SPATS2: variants seen among roughly 807,000 people sequenced by gnomAD.
The protein encoded by SPATS2 is spermatogenesis associated serine rich 2, also known as spermatogenesis-associated serine-rich protein 2.
A neutral mutation model predicts 63.7 loss-of-function variants in SPATS2; 38 were observed. That is an observed-to-expected ratio of 0.60 (90% CI 0.46 to 0.78). The LOEUF (loss-of-function observed/expected upper bound fraction) is 0.78, where lower values mean the gene tolerates loss of function less well. Ranked by LOEUF, SPATS2 falls within the 30% of genes least tolerant of loss-of-function variation. The probability of loss-of-function intolerance (pLI) is 0.00; values close to 1 mark genes in which losing one functional copy is unlikely to be tolerated. For synonymous variants in SPATS2, 207 were observed against 232.9 expected (o/e 0.89, Z 1.01); for missense variants, 588 against 666.2 (o/e 0.88, Z 1.29).
chr12:49,460,956 C>A lies in SPATS2; in HGVS notation c.-57C>A. 1 of 1,605,396 alleles carries A rather than the reference C, an allele frequency of 6.2e-7. No individual in the cohort carries two copies. The highest frequency in any genetic ancestry group is 8.5e-7 in the Non-Finnish European group (1 of 1,173,722). ...AATCAGAGATACCTACACTCAAAACCCAGACAAGGCAAAAGGATACTTTTC... is the reference window on the plus strand; with the variant it reads ...AATCAGAGATACCTACACTCAAAACACAGACAAGGCAAAAGGATACTTTTC... On this transcript the variant is annotated 5_prime_UTR_variant, in exon 3 of 14. Coordinates refer to ENST00000552918, the MANE Select transcript of SPATS2 (RefSeq NM_023071.4).
rs781082257 is a variant in SPATS2 at position 49,494,957 on chromosome 12, T to G, written c.481T>G (p.Leu161Val). Reference protein sequence around the residue: ...LETLSIDARELEDPESAMLDT... With the variant: ...LETLSIDAREVEDPESAMLDT... ...GACACTTTCAATAGATGCCAGAGAA[T>G]TGGAGGATCCCGAGTCTGCCATGCT... The change falls in exon 7 of 14, where the codon TTG (leucine) becomes GTG (valine). Residue 161 changes from leucine to valine, a missense_variant. Transcript: ENST00000552918. 8 of 1,613,736 alleles carry G rather than the reference T, an allele frequency of 5.0e-6. No homozygotes were observed. The African/African-American group carries it at 6.7e-5, about 13-fold the overall frequency.
At chr12:49,475,437 T>A (rs1486056892) in intron 3 of SPATS2, among the ~76,000 whole-genome samples, 1 of 152,048 alleles carries the variant, frequency 6.6e-6, no homozygotes, top group Non-Finnish European at 1.5e-5. Context: ...CTTGTTGTTG[T>A]TGTTGTTGTT....
intron 2 of SPATS2, among the ~76,000 whole-genome samples, chr12:49,433,132 A>G (rs886248476): frequency 2.0e-5 from 3 of 152,018 alleles, no homozygotes; most frequent in Non-Finnish European, 2.9e-5. Flanking sequence ...CAGCCATCCT[A>G]GTGGGTTCAA....
In SPATS2 at chr12:49,513,260, CAA is replaced by C. The variant is rs372053294; in HGVS notation, c.840-1294_840-1293del. On this transcript the variant is annotated intron_variant, in intron 9 of 13. Coordinates refer to ENST00000552918, the MANE Select transcript of SPATS2 (RefSeq NM_023071.4). Reference sequence around the variant, plus strand: ...GTTTGAGTGTGATTACAACCAGAAACAAGAGTGGAACTTTTATTTACCCTGTA... The same window carrying C: ...GTTTGAGTGTGATTACAACCAGAAACGAGTGGAACTTTTATTTACCCTGTA... Among the ~76,000 whole-genome samples, 17 of 151,854 alleles carry C rather than the reference CAA, an allele frequency of 1.1e-4. 1 individual carries two copies. The highest frequency in any genetic ancestry group is 3.1e-4 in the African/African-American group (13 of 41,388).
In SPATS2 at chr12:49,487,886, C is replaced by G. The variant is rs927034872; in HGVS notation, c.106-1579C>G. 2.6e-5 allele frequency among the ~76,000 whole-genome samples: 4 copies of G among 152,144 alleles called. No individual in the cohort carries two copies. In the East Asian group the frequency reaches 7.8e-4, roughly 30 times the overall value. Reference sequence around the variant, plus strand: ...GCTGGCATTACTGGGCTTAATGGCACTATGTGGTAAAACCCATGTGTTATT... The same window carrying G: ...GCTGGCATTACTGGGCTTAATGGCAGTATGTGGTAAAACCCATGTGTTATT... On this transcript the variant is annotated intron_variant, in intron 4 of 13. Transcript: ENST00000552918.
rs1944844363 is a variant in SPATS2, at chr12:49,414,055, A to G, written c.-244+42765A>G. On this transcript the variant is annotated intron_variant, in intron 2 of 13. Coordinates refer to ENST00000552918, the MANE Select transcript of SPATS2 (RefSeq NM_023071.4). ...TTTTCCATAAAATGTACTGTGTTGC[A>G]ATAGAGTACTTTTCTTGGCTTCTTT... Among the ~76,000 whole-genome samples, 4 of 152,302 alleles carry G rather than the reference A, an allele frequency of 2.6e-5. No homozygotes were observed. In the South Asian group the frequency reaches 8.3e-4, roughly 32 times the overall value.
At position 49,490,685 on chromosome 12, in the gene SPATS2, G is replaced by A; in HGVS notation, c.218G>A (p.Ser73Asn). Residue 73 changes from serine to asparagine, a missense_variant, in exon 6 of 14, where the codon AGT (serine) becomes AAT (asparagine). By Grantham distance (46) the Ser-to-Asn change is conservative (BLOSUM62 1). Coordinates refer to ENST00000552918, the MANE Select transcript of SPATS2 (RefSeq NM_023071.4). Reference protein sequence around the residue: ...DKTVQAFMEGSASEVLKEWTV... With the variant: ...DKTVQAFMEGNASEVLKEWTV... Reference sequence around the variant, plus strand: ...CTGTAATTGGTTTCTCTTACAGGTAGTGCCAGTGAAGTACTCAAAGAATGG... The same window carrying A: ...CTGTAATTGGTTTCTCTTACAGGTAATGCCAGTGAAGTACTCAAAGAATGG... 6.2e-7 allele frequency: 1 copy of A among 1,613,930 alleles called. No homozygotes were observed. The highest frequency in any genetic ancestry group is 2.2e-5 in the East Asian group (1 of 44,866).
chr12:49,478,532 C>T (rs1946155567), intron 3 of SPATS2, among the ~76,000 whole-genome samples: 1 of 152,110 alleles, frequency 6.6e-6, no homozygotes, highest in African/African-American at 2.4e-5. Context: ...TGGCTGTGTT[C>T]AGTCTGAAGG....
chr12:49,464,309 G>T (rs1945871099), intron 3 of SPATS2, among the ~76,000 whole-genome samples: 1 of 151,518 alleles, frequency 6.6e-6, no homozygotes, highest in South Asian at 2.1e-4. Context: ...TTCAAAATCA[G>T]CCTGGACAAC....
chr12:49,504,770 CTTTTTTTT>C, intron 9 of SPATS2, among the ~76,000 whole-genome samples: 1 of 98,860 alleles, frequency 1.0e-5, no homozygotes, highest in Non-Finnish European at 2.1e-5. Context: ...TTCTTTCTTT[CTTTTTTTT>C]TTTTTTTTTT....
intron 11 of SPATS2, among the ~76,000 whole-genome samples, chr12:49,520,329 G>A (rs747414012): frequency 8.6e-5 from 13 of 152,030 alleles, no homozygotes; most frequent in Non-Finnish European, 1.3e-4. Flanking sequence ...TGTTGGCCAG[G>A]CTGGTCTTGA....
intron 13 of SPATS2, 45 bp downstream of exon 13, chr12:49,524,941 A>G (rs1170795606): frequency 6.4e-7 from 1 of 1,573,338 alleles, no homozygotes; most frequent in South Asian, 1.1e-5. Context: ...AAAACCCTCC[A>G]GATTGTCAAA....
chr12:49,390,102 G>T, intron 2 of SPATS2: 1 of 1,458,020 alleles, frequency 6.9e-7, no homozygotes, highest in Non-Finnish European at 9.6e-7. Flanking sequence ...AAGAAGATGT[G>T]TCGGAAAGTA....
intron 2 of SPATS2, among the ~76,000 whole-genome samples, chr12:49,383,000 C>T (rs907252699): frequency 2.0e-5 from 3 of 150,662 alleles, no homozygotes; most frequent in Non-Finnish European, 3.0e-5. Context: ...CCACTGCGCC[C>T]GGCCTTTTAA....
chr12:49,486,251 C>T (rs1369652711), intron 4 of SPATS2: 4 of 452,404 alleles, frequency 8.8e-6, no homozygotes, highest in Non-Finnish European at 1.8e-5. Context: ...GTCGTCCAGG[C>T]TGGAGTGCAG....
At chr12:49,398,652 C>T (rs1019382200) in intron 2 of SPATS2, among the ~76,000 whole-genome samples, 1 of 152,166 alleles carries the variant, frequency 6.6e-6, no homozygotes, top group African/African-American at 2.4e-5. Context: ...AATTTTCAAA[C>T]ATGAGAAATC....
At chr12:49,454,751 T>C (rs1303895895) in intron 2 of SPATS2, among the ~76,000 whole-genome samples, 2 of 152,058 alleles carry the variant, frequency 1.3e-5, no homozygotes, top group East Asian at 3.9e-4. Flanking sequence ...GGCATGGTGG[T>C]ATGCGCCTGT....
chr12:49,436,494 C>T (rs1393177080), intron 2 of SPATS2, among the ~76,000 whole-genome samples: 2 of 138,400 alleles, frequency 1.4e-5, no homozygotes, highest in Admixed American at 7.0e-5. Flanking sequence ...CGCCCCTTAC[C>T]TCCCGGACGG....
intron 9 of SPATS2, among the ~76,000 whole-genome samples, chr12:49,502,088 C>A (rs1160885048): frequency 6.6e-6 from 1 of 152,154 alleles, no homozygotes; most frequent in African/African-American, 2.4e-5. Context: ...TAGTAACTGT[C>A]TAGATCTGAA....
Sources: gnomAD v4.1 joint callset for allele counts (sites outside exome capture counted in the v4.1 genomes callset) on GRCh38, gnomAD v4.1.1 for gene constraint, MANE v1.5 for transcripts, NCBI Gene and HGNC (gene_info 2026-07-23, HGNC 2026-07-21) for gene names.